Variants in WARS2 observed in about 807,000 individuals in gnomAD.
The protein encoded by WARS2 is tryptophanyl tRNA synthetase 2, mitochondrial, also known as tryptophan--tRNA ligase, mitochondrial.
A neutral mutation model predicts 36.5 loss-of-function variants in WARS2; 28 were observed. The observed-to-expected ratio is 0.77, with a 90% confidence interval of 0.57 to 1.05. The LOEUF (loss-of-function observed/expected upper bound fraction) is 1.05. WARS2 is among the 50% of genes least tolerant of loss of function. The probability of loss-of-function intolerance (pLI) is 0.00; values close to 1 mark genes in which losing one functional copy is unlikely to be tolerated. For missense variants in WARS2, 435 were observed against 456.8 expected (o/e 0.95, Z 0.44); for synonymous variants, 174 against 178.4 (o/e 0.98, Z 0.20).
intron 1 of WARS2, among the ~76,000 whole-genome samples, chr1:119,130,259 T>C (rs1345449188): frequency 2.0e-5 from 3 of 152,222 alleles, no homozygotes; most frequent in Non-Finnish European, 4.4e-5. Flanking sequence ...GTATAGATAA[T>C]ATGGCACACT....
chr1:119,076,273 T>G, intron 2 of WARS2, 77 bp downstream of exon 2: 1 of 1,539,750 alleles, frequency 6.5e-7, no homozygotes, highest in Non-Finnish European at 8.8e-7. Flanking sequence ...GAGCAGGGGC[T>G]GTATGAACCA....
intron 2 of WARS2, among the ~76,000 whole-genome samples, chr1:119,057,663 G>T (rs1033526066): frequency 6.6e-6 from 1 of 151,828 alleles, no homozygotes; most frequent in Admixed American, 6.6e-5. Context: ...GGTTGCAGGT[G>T]CCTGTAATCC....
At chr1:119,093,885 G>C (rs961111226) in intron 1 of WARS2, among the ~76,000 whole-genome samples, 1 of 152,192 alleles carries the variant, frequency 6.6e-6, no homozygotes, top group Non-Finnish European at 1.5e-5. Flanking sequence ...TTCACATCCA[G>C]GACACTGGCC....
At chr1:119,107,671 A>AAGAG (rs61528583) in intron 1 of WARS2, among the ~76,000 whole-genome samples, 11 of 149,674 alleles carry the variant, frequency 7.3e-5, no homozygotes, top group Non-Finnish European at 1.3e-4. Flanking sequence ...TAGAAAAAGA[A>AAGAG]AGAGAGAGAG....
chr1:119,090,304 A>G (rs892526331), intron 1 of WARS2, among the ~76,000 whole-genome samples: 1 of 152,146 alleles, frequency 6.6e-6, no homozygotes, highest in Admixed American at 6.5e-5. Flanking sequence ...AGAGTCAGAC[A>G]TGTGAGTCCA....
At chr1:119,104,677 T>A (rs1310978261) in intron 1 of WARS2, among the ~76,000 whole-genome samples, 6 of 147,852 alleles carry the variant, frequency 4.1e-5, no homozygotes, top group African/African-American at 1.5e-4. Context: ...CTACTTTAGA[T>A]AGGACGCACA....
chr1:119,104,887 T>A lies in WARS2; in HGVS notation c.91-28280A>T, dbSNP rs145342157. 2.3e-3 allele frequency among the ~76,000 whole-genome samples: 349 copies of A among 151,906 alleles called. 1 individual carries two copies. The highest frequency in any genetic ancestry group is 7.8e-3 in the African/African-American group (324 of 41,424). On this transcript the variant is annotated intron_variant, in intron 1 of 5. Coordinates refer to ENST00000235521, the MANE Select transcript of WARS2 (RefSeq NM_015836.4). ...GTTGGAAAAGCAGTGAGGGAGCAGA[T>A]CATACAAGGCCTTGTATGCTATGAC...
intron 1 of WARS2, among the ~76,000 whole-genome samples, chr1:119,101,292 T>C (rs1267856780): frequency 6.6e-6 from 1 of 152,052 alleles, no homozygotes; most frequent in Non-Finnish European, 1.5e-5. Flanking sequence ...AAACTTCACA[T>C]GTATGCCACA....
intron 4 of WARS2, among the ~76,000 whole-genome samples, chr1:119,037,876 G>GTCA (rs1345448110): frequency 6.6e-6 from 1 of 152,152 alleles, no homozygotes; most frequent in East Asian, 1.9e-4. Flanking sequence ...CATCTTCACT[G>GTCA]TCATCATCAT....
At chr1:119,107,137 T>G (rs1449641129) in intron 1 of WARS2, among the ~76,000 whole-genome samples, 1 of 152,152 alleles carries the variant, frequency 6.6e-6, no homozygotes, top group Non-Finnish European at 1.5e-5. Context: ...TTTTGCCCAT[T>G]TTTCAACTGG....
intron 1 of WARS2, among the ~76,000 whole-genome samples, chr1:119,112,067 C>A (rs1442069147): frequency 1.3e-5 from 2 of 152,074 alleles, no homozygotes; most frequent in Non-Finnish European, 2.9e-5. Context: ...GGATAACAAG[C>A]ATGCACCACC....
intron 1 of WARS2, among the ~76,000 whole-genome samples, chr1:119,130,061 A>G (rs781058498): frequency 6.6e-6 from 1 of 152,098 alleles, no homozygotes; most frequent in Non-Finnish European, 1.5e-5. Flanking sequence ...CCATCTATGC[A>G]GGGCATACCA....
At chr1:119,133,088 G>T (rs587667857) in intron 1 of WARS2, among the ~76,000 whole-genome samples, 2 of 152,266 alleles carry the variant, frequency 1.3e-5, no homozygotes, top group South Asian at 4.1e-4. Flanking sequence ...CTCTGTGCAG[G>T]TTGCCCTTTT....
At chr1:119,126,479 ATTTT>A (rs35511707) in intron 1 of WARS2, 197 of 340,722 alleles carry the variant, frequency 5.8e-4, no homozygotes, top group Middle Eastern at 1.8e-3. Flanking sequence ...GGTAGATACT[ATTTT>A]TTTTTTTTTT....
intron 1 of WARS2, among the ~76,000 whole-genome samples, chr1:119,103,206 G>T (rs1653994812): frequency 6.6e-6 from 1 of 152,242 alleles, no homozygotes; most frequent in Middle Eastern, 3.4e-3. Context: ...GGTTGTTTTG[G>T]TTTTTGTGGT....
chr1:119,050,105 G>A (rs1243721446), intron 2 of WARS2, among the ~76,000 whole-genome samples: 2 of 152,280 alleles, frequency 1.3e-5, no homozygotes, highest in African/African-American at 4.8e-5. Flanking sequence ...TGTAACCTCT[G>A]TGATTCAAGT....
chr1:119,057,193 C>T (rs1009640229), intron 2 of WARS2, among the ~76,000 whole-genome samples: 2 of 152,096 alleles, frequency 1.3e-5, no homozygotes, highest in East Asian at 3.9e-4. Context: ...GTCGCCCAGG[C>T]TGGAGTCAGT....
intron 2 of WARS2, among the ~76,000 whole-genome samples, chr1:119,051,014 T>C (rs1262285143): frequency 1.3e-5 from 2 of 152,216 alleles, no homozygotes; most frequent in Non-Finnish European, 1.5e-5. Context: ...GTTTTACCAT[T>C]TTCTGCATTT....
At chr1:119,065,075 G>C (rs989587769) in intron 2 of WARS2, among the ~76,000 whole-genome samples, 2 of 152,020 alleles carry the variant, frequency 1.3e-5, no homozygotes, top group Non-Finnish European at 2.9e-5. Flanking sequence ...TTTTAAAAAA[G>C]TTAAGTTAAA....
Sources: allele counts gnomAD v4.1 joint callset (sites outside exome capture counted in the v4.1 genomes callset), GRCh38; gene constraint gnomAD v4.1.1; transcripts MANE v1.5; gene names NCBI Gene and HGNC (gene_info 2026-07-23, HGNC 2026-07-21).